Variants in NCOA2 observed in about 807,000 individuals in gnomAD.
The protein encoded by NCOA2 is nuclear receptor coactivator 2.
In NCOA2, 21 loss-of-function variants were observed where a neutral mutation model predicts 145.1. That is an observed-to-expected ratio of 0.14 (90% CI 0.10 to 0.21). The LOEUF is 0.21. Ranked by LOEUF, NCOA2 falls within the 10% of genes least tolerant of loss-of-function variation. The probability of loss-of-function intolerance (pLI) is 1.00; values close to 1 mark genes in which losing one functional copy is unlikely to be tolerated. For missense variants in NCOA2, 1,472 were observed against 1,837.6 expected, an observed-to-expected ratio of 0.80 and a Z score of 3.64; for synonymous variants, 619 against 637.5, an observed-to-expected ratio of 0.97 and a Z score of 0.44.
rs140440824 is a variant in NCOA2, at chr8:70,115,552, C to T, written c.4384-1909G>A. On this transcript the variant is annotated intron_variant, in intron 22 of 22. Coordinates refer to ENST00000452400, the MANE Select transcript of NCOA2 (RefSeq NM_006540.4). ...TGAAGTGTTTAAATAGTTCTTGGAA[C>T]ATCATAAGTGCTCAGTAAATGTCAT... Among the ~76,000 whole-genome samples, 285 of 152,268 alleles carry T rather than the reference C, an allele frequency of 1.9e-3. 2 individuals carry two copies. The highest frequency in any genetic ancestry group is 6.3e-3 in the African/African-American group (260 of 41,552).
chr8:70,212,025 T>C (rs1819084397), intron 4 of NCOA2, among the ~76,000 whole-genome samples: 1 of 151,180 alleles, frequency 6.6e-6, no homozygotes, highest in Non-Finnish European at 1.5e-5. Flanking sequence ...TACCAAGGTT[T>C]TGCAAACTTT....
chr8:70,302,971 C>A (rs990726337), intron 1 of NCOA2, among the ~76,000 whole-genome samples: 1 of 152,126 alleles, frequency 6.6e-6, no homozygotes, highest in African/African-American at 2.4e-5. Context: ...TCTCATTATG[C>A]CCATTCCTTT....
chr8:70,449,722 C>T, the NCOA2 span, among the ~76,000 whole-genome samples: 1 of 152,206 alleles, frequency 6.6e-6, no homozygotes, highest in Non-Finnish European at 1.5e-5. Flanking sequence ...AGAGCAAAGG[C>T]AGAGAGCAGA....
intron 16 of NCOA2, among the ~76,000 whole-genome samples, chr8:70,130,877 C>T (rs1199649663): frequency 1.3e-5 from 2 of 152,198 alleles, no homozygotes; most frequent in South Asian, 2.1e-4. Flanking sequence ...GTAAGCCAGG[C>T]TGCACTGCTT....
chr8:70,212,999 G>A (rs1387778040), intron 4 of NCOA2, among the ~76,000 whole-genome samples: 6 of 150,544 alleles, frequency 4.0e-5, no homozygotes, highest in African/African-American at 1.2e-4. Flanking sequence ...CAGGAGAATC[G>A]CTTGAACCGA....
At chr8:70,448,033 C>T in the NCOA2 span, among the ~76,000 whole-genome samples, 1 of 152,054 alleles carries the variant, frequency 6.6e-6, no homozygotes, top group African/African-American at 2.4e-5. Context: ...CTTTGATATT[C>T]TTATTCTAAT....
intron 16 of NCOA2, 99 bp downstream of exon 16, chr8:70,131,738 A>G (rs767816941): frequency 1.6e-6 from 2 of 1,275,032 alleles, no homozygotes; most frequent in Non-Finnish European, 2.1e-6. Context: ...ACAACAATAT[A>G]TTCTAAAAAG....
intron 2 of NCOA2, among the ~76,000 whole-genome samples, chr8:70,242,759 A>T (rs1328262971): frequency 6.6e-6 from 1 of 152,098 alleles, no homozygotes; most frequent in Non-Finnish European, 1.5e-5. Flanking sequence ...TCAAAAAACA[A>T]AAAGGTCCTA....
At position 70,344,207 on chromosome 8, in the gene NCOA2, T is replaced by C. The variant is rs531581875; in HGVS notation, c.-76-47407A>G. Reference sequence around the variant, plus strand: ...ATCAGGAATCCATCGACTCTCTACCTTGCTGCAGTGAGGCAGTGCCTCCCA... The same window carrying C: ...ATCAGGAATCCATCGACTCTCTACCCTGCTGCAGTGAGGCAGTGCCTCCCA... On this transcript the variant is annotated intron_variant, in intron 1 of 22. Coordinates refer to ENST00000452400, the MANE Select transcript of NCOA2 (RefSeq NM_006540.4). Among the ~76,000 whole-genome samples the C allele has an allele frequency of 4.6e-5, 7 of 152,318 alleles. No individual in the cohort carries two copies. The East Asian group carries it at 1.4e-3, about 29-fold the overall frequency.
intron 12 of NCOA2, 68 bp downstream of exon 12, chr8:70,148,205 A>C (rs1233491902): frequency 1.5e-5 from 22 of 1,497,984 alleles, no homozygotes; most frequent in Non-Finnish European, 1.9e-5. Context: ...TCAGACTTCA[A>C]TAATCCCTGT....
At chr8:70,154,760 C>A (rs1812104406) in intron 11 of NCOA2, among the ~76,000 whole-genome samples, 1 of 152,134 alleles carries the variant, frequency 6.6e-6, no homozygotes, top group South Asian at 2.1e-4. Context: ...ATGTCATTAT[C>A]TCCTTAGAGG....
intron 2 of NCOA2, among the ~76,000 whole-genome samples, chr8:70,231,772 C>T (rs1303267914): frequency 6.6e-6 from 1 of 152,168 alleles, no homozygotes. Context: ...CACTCCATTA[C>T]AAAGATGCCC....
intron 2 of NCOA2, among the ~76,000 whole-genome samples, chr8:70,231,918 C>T (rs772608947): frequency 4.6e-5 from 7 of 152,174 alleles, no homozygotes; most frequent in Non-Finnish European, 7.4e-5. Context: ...ATCAGACTAG[C>T]GCTTCCTCTC....
At chr8:70,124,353 T>C (rs1221421496) in intron 20 of NCOA2, among the ~76,000 whole-genome samples, 3 of 151,488 alleles carry the variant, frequency 2.0e-5, no homozygotes, top group Non-Finnish European at 4.4e-5. Context: ...CTCCTTTCTT[T>C]CTTTCTGTTT....
chr8:70,405,708 C>T (rs758725030), upstream of NCOA2, among the ~76,000 whole-genome samples: 32 of 122,538 alleles, frequency 2.6e-4, no homozygotes, highest in Non-Finnish European at 4.9e-4. Context: ...AAAGATTCTC[C>T]TTCTTGCTTG....
At chr8:70,130,738 A>T in intron 16 of NCOA2, among the ~76,000 whole-genome samples, 1 of 152,338 alleles carries the variant, frequency 6.6e-6, no homozygotes, top group Non-Finnish European at 1.5e-5. Flanking sequence ...ATGACACATC[A>T]TATGGCCAAG....
At chr8:70,215,584 C>G (rs1183868514) in intron 3 of NCOA2, among the ~76,000 whole-genome samples, 1 of 152,178 alleles carries the variant, frequency 6.6e-6, no homozygotes, top group Non-Finnish European at 1.5e-5. Flanking sequence ...TGCCCTTTCT[C>G]CTGCTCTGCC....
Position 70,110,126 on chromosome 8 carries a change from C to A in NCOA2, c.*3506G>T. 1 of 199,566 alleles carries A rather than the reference C, an allele frequency of 5.0e-6. No individual in the cohort carries two copies. Among genetic ancestry groups the A allele is most frequent in the Non-Finnish European group, 1.0e-5 (1 of 96,692 alleles). The allele number at this position is 199,566 out of a possible 1,614,324, so 12.4% of individuals were successfully genotyped here. ...TTTTCATATACACACATCTCAGATG[C>A]AACTTCATGAGGAACTGTACAAATA... On this transcript the variant is annotated 3_prime_UTR_variant, in exon 23 of 23. Transcript: ENST00000452400.
intron 2 of NCOA2, among the ~76,000 whole-genome samples, chr8:70,248,701 G>A (rs1396104491): frequency 1.3e-5 from 2 of 151,950 alleles, no homozygotes; most frequent in Non-Finnish European, 2.9e-5. Context: ...CTAATAAAAT[G>A]TAAGTGCTAT....
Sources: allele counts gnomAD v4.1 joint callset (sites outside exome capture counted in the v4.1 genomes callset), GRCh38; gene constraint gnomAD v4.1.1; transcripts MANE v1.5; gene names NCBI Gene and HGNC (gene_info 2026-07-23, HGNC 2026-07-21).